The following LAMB2 variants were observed in gnomAD, a reference collection of about 807,000 sequenced individuals.
LAMB2 encodes the protein laminin subunit beta 2, also known as laminin subunit beta-2.
Under a neutral mutation model 202.7 loss-of-function variants are expected in LAMB2, and 119 were observed. That is an observed-to-expected ratio of 0.59 (90% CI 0.51 to 0.68). LAMB2 has a LOEUF of 0.68. LAMB2 is among the 30% of genes least tolerant of loss of function. The probability of loss-of-function intolerance (pLI) is 0.00; values close to 1 mark genes in which losing one functional copy is unlikely to be tolerated. For missense variants in LAMB2, 2,124 were observed against 2,410.6 expected (o/e 0.88, Z 2.49); for synonymous variants, 818 against 902.2 (o/e 0.91, Z 1.67).
rs754016806 is a variant in LAMB2 at position 49,129,798 on chromosome 3, G to C, written c.1405+41C>G. ...GCTGAGTCAGGAGTAAGAGGACAGG[G>C]GTTAAAGGTCAGCATAGAAGTTAGG... On this transcript the variant is annotated intron_variant, in intron 10 of 31. Transcript: ENST00000305544. This position sits in a 1 kb window ranked among gnomAD's most constrained non-coding sequence, Gnocchi z 6.1. 16 of 1,611,916 alleles carry C rather than the reference G, an allele frequency of 9.9e-6. No homozygotes were observed. Among genetic ancestry groups the C allele is most frequent in the Middle Eastern group, 1.6e-4 (1 of 6,082 alleles).
Position 49,128,800 on chromosome 3 carries a change from C to A in LAMB2, c.1751G>T (p.Arg584Leu). 7 of 1,613,300 alleles carry A rather than the reference C, an allele frequency of 4.3e-6. No individual in the cohort carries two copies. Among genetic ancestry groups the A allele is most frequent in the Non-Finnish European group, 5.9e-6 (7 of 1,179,494 alleles). ...TGGAGTTTCCCCGGGGGTCACCAGG[C>A]GCTCCACCACATCGAGCACCTGGGA... Reference protein sequence around the residue: ...TRGQVLDVVERLVTPGETPSW... With the variant: ...TRGQVLDVVELLVTPGETPSW... The change falls in exon 14 of 32, where the codon CGC becomes CTC. Residue 584 changes from arginine to leucine, a missense_variant. Physicochemically the swap from Arg to Leu is moderately radical, Grantham distance 102 (BLOSUM62 -2). Transcript: ENST00000305544.
intron 18 of LAMB2, 102 bp from the exon 19 acceptor site, chr3:49,125,586 G>C (rs2045404336): frequency 7.2e-7 from 1 of 1,385,466 alleles, no homozygotes; most frequent in Non-Finnish European, 1.0e-6. Context: ...GAGTCTAGGT[G>C]GGAAGGTCAG....
In LAMB2 at chr3:49,121,348, A is replaced by C. The variant is rs747910968; in HGVS notation, c.5275T>G (p.Tyr1759Asp). 1 of 1,613,794 alleles carries C rather than the reference A, an allele frequency of 6.2e-7. No homozygotes were observed. Among genetic ancestry groups the C allele is most frequent in the Non-Finnish European group, 8.5e-7 (1 of 1,179,952 alleles). The change falls in exon 32 of 32, where the codon TAT (tyrosine) becomes GAT (aspartate). Residue 1759 changes from tyrosine (Y) to aspartate (D), a missense_variant. Around this residue, in one of 3 missense-constraint regions of LAMB2, gnomAD observed 1,702 missense variants for 1,896.3 expected, o/e 0.90. Coordinates refer to ENST00000305544, the MANE Select transcript of LAMB2 (RefSeq NM_002292.4). The part of the protein sequence containing the change: ...LQRLQELEGT[Y>D]EENERALESK... Reference sequence around the variant, plus strand: ...TCCAGTGCCCGCTCATTTTCCTCATAGGTGCCTTCCAATTCTAGGAAGGGC... The same window carrying C: ...TCCAGTGCCCGCTCATTTTCCTCATCGGTGCCTTCCAATTCTAGGAAGGGC...
chr3:49,131,458 G>A lies in LAMB2; in HGVS notation c.649-16C>T. 3 of 1,614,026 alleles carry A rather than the reference G, an allele frequency of 1.9e-6. No individual in the cohort carries two copies. The highest frequency in any genetic ancestry group is 2.5e-6 in the Non-Finnish European group (3 of 1,179,976). Reference sequence around the variant, plus strand: ...GATAGATGACCTGGAGAAGCAGGGAGTTCATAGTCACACTGGACCTTGCCT... The same window carrying A: ...GATAGATGACCTGGAGAAGCAGGGAATTCATAGTCACACTGGACCTTGCCT... On this transcript the variant is annotated splice_polypyrimidine_tract_variant and intron_variant, in intron 5 of 31. Coordinates refer to ENST00000305544, the MANE Select transcript of LAMB2 (RefSeq NM_002292.4). The surrounding 1 kb of genome is among the most constrained non-coding windows in gnomAD (Gnocchi z 5.0).
At chr3:49,122,480 C>T in intron 27 of LAMB2, 110 bp from the exon 28 acceptor site, 1 of 1,097,110 alleles carries the variant, frequency 9.1e-7, no homozygotes, top group South Asian at 1.3e-5. Flanking sequence ...GGTTTGTTAC[C>T]AGGCATAAGG....
chr3:49,130,741 C>T lies in LAMB2; in HGVS notation c.1035G>A (p.Arg345=), dbSNP rs2107643922. ...TATGGAGGCCAAGATCTCACTCACT[C>T]CTACAGGCATGACTATGGCCGTCCT... ...PAEDGHSHAC[R]KCECHGHTHS... is the part of the protein sequence containing the mutation. The change falls in exon 8 of 32, where the codon AGG becomes AGA. Residue 345 remains arginine (R), a splice_region_variant and synonymous_variant. Transcript: ENST00000305544. This position sits in a 1 kb window ranked among gnomAD's most constrained non-coding sequence, Gnocchi z 5.0. 1 of 1,613,922 alleles carries T rather than the reference C, an allele frequency of 6.2e-7. No individual in the cohort carries two copies. The highest frequency in any genetic ancestry group is 8.5e-7 in the Non-Finnish European group (1 of 1,180,014).
intron 18 of LAMB2, 88 bp downstream of exon 18, chr3:49,125,659 G>A: frequency 6.4e-7 from 1 of 1,553,476 alleles, no homozygotes; most frequent in South Asian, 1.2e-5. Context: ...TTAGTTTGAG[G>A]AAACCAGCAG....
At position 49,132,649 on chromosome 3, in the gene LAMB2, G is replaced by A. The variant is rs748625373; in HGVS notation, c.91C>T (p.Leu31=). 1.2e-6 allele frequency: 2 copies of A among 1,614,022 alleles called. No homozygotes were observed. Among genetic ancestry groups the A allele is most frequent in the Non-Finnish European group, 1.7e-6 (2 of 1,180,040 alleles). ...GLLLSVLAAT[L]AQAPAPDVPG... ...ACATCCGGGGCAGGGGCCTGTGCCA[G>A]TGTGGCAGCCAGCACTGGGGACAGT... The change falls in exon 2 of 32, where the codon CTG becomes TTG. Residue 31 remains leucine, a synonymous_variant. Coordinates refer to ENST00000305544, the MANE Select transcript of LAMB2 (RefSeq NM_002292.4). The surrounding 1 kb of genome is among the most constrained non-coding windows in gnomAD (Gnocchi z 4.6).
chr3:49,122,469 G>T, intron 27 of LAMB2, 99 bp from the exon 28 acceptor site: 3 of 1,178,380 alleles, frequency 2.5e-6, no homozygotes, highest in Non-Finnish European at 3.8e-6. Context: ...CATGGGATAG[G>T]GGTTTGTTAC....
Position 49,131,383 on chromosome 3 carries a change from A to C in LAMB2, c.708T>G (p.Ile236Met). Reference sequence around the variant, plus strand: ...CTCAAAGGGTGGAGCACTCACTCTGAATCCGTGAGCTGTAGGGGTCTGGGA... The same window carrying C: ...CTCAAAGGGTGGAGCACTCACTCTGCATCCGTGAGCTGTAGGGGTCTGGGA... Reference protein sequence around the residue: ...IPIPDPYSSRIQNLLKITNLR... With the variant: ...IPIPDPYSSRMQNLLKITNLR... The change falls in exon 6 of 32, where the codon ATT (isoleucine) becomes ATG (methionine). Residue 236 changes from isoleucine to methionine, a missense_variant. Coordinates refer to ENST00000305544, the MANE Select transcript of LAMB2 (RefSeq NM_002292.4). This position sits in a 1 kb window ranked among gnomAD's most constrained non-coding sequence, Gnocchi z 5.0. 1 of 1,614,024 alleles carries C rather than the reference A, an allele frequency of 6.2e-7. No individual in the cohort carries two copies. Among genetic ancestry groups the C allele is most frequent in the Non-Finnish European group, 8.5e-7 (1 of 1,179,920 alleles).
chr3:49,125,213 T>C, intron 19 of LAMB2, 40 bp downstream of exon 19: 1 of 1,613,638 alleles, frequency 6.2e-7, no homozygotes, highest in Non-Finnish European at 8.5e-7. Flanking sequence ...CTGGGAAGCC[T>C]GCCCACCAAC....
intron 15 of LAMB2, among the ~76,000 whole-genome samples, chr3:49,126,931 A>G (rs1206603054): frequency 2.0e-5 from 3 of 152,104 alleles, no homozygotes; most frequent in Non-Finnish European, 4.4e-5. Context: ...CTTTTATCCC[A>G]TCCCAAAAAT....
rs754100998 is a variant in LAMB2, at chr3:49,122,318, C to T, written c.4626G>A (p.Glu1542=). ...SIEMVATRVL[E]LSIPASAEQI... ...GCTCAGCTGAAGCTGGGATGGAGAG[C>T]TCTAGCACCCGTGTGGCCACCATTT... Residue 1542 remains glutamate (E), a synonymous_variant, in exon 28 of 32, where the codon GAG becomes GAA. Transcript: ENST00000305544. 1.2e-6 allele frequency: 2 copies of T among 1,613,522 alleles called. No individual in the cohort carries two copies. Among genetic ancestry groups the T allele is most frequent in the Non-Finnish European group, 1.7e-6 (2 of 1,180,030 alleles).
At chr3:49,121,905 C>G (rs748859692) in intron 29 of LAMB2, 39 bp downstream of exon 29, 1 of 1,613,690 alleles carries the variant, frequency 6.2e-7, no homozygotes, top group Non-Finnish European at 8.5e-7. Context: ...CGGTTCATGC[C>G]CATAACCTTG....
In LAMB2 at chr3:49,125,261, G is replaced by C. The variant is rs751547973; in HGVS notation, c.2712C>G (p.His904Gln). The C allele has an allele frequency of 1.2e-6, 2 of 1,613,902 alleles. No homozygotes were observed. Among genetic ancestry groups the C allele is most frequent in the Admixed American group, 1.7e-5 (1 of 60,030 alleles). ...LGCRDHTGGEHCERCIAGFHG... is the reference protein window; with the variant it reads ...LGCRDHTGGEQCERCIAGFHG... ...AGCTGCTCCAGTCTCACCTTTCACA[G>C]TGCTCACCCCCTGTGTGATCACGGC... Residue 904 changes from histidine to glutamine, a missense_variant, in exon 19 of 32, where the codon CAC becomes CAG. His to Gln is a conservative substitution (Grantham distance 24). Transcript: ENST00000305544.
In LAMB2 at chr3:49,121,195, G is replaced by A; in HGVS notation, c.*31C>T. The A allele has an allele frequency of 1.2e-6, 2 of 1,611,662 alleles. No individual in the cohort carries two copies. The highest frequency in any genetic ancestry group is 1.3e-5 in the African/African-American group (1 of 75,000). ...TAGGCAGACATGCATGTGGGGCAGT[G>A]CTAGGAACTGGGGTAGGCCTTGGGC... On this transcript the variant is annotated 3_prime_UTR_variant, in exon 32 of 32. Transcript: ENST00000305544.
intron 22 of LAMB2, 21 bp downstream of exon 22, chr3:49,124,374 A>T (rs2107638529): frequency 1.9e-6 from 3 of 1,613,132 alleles, no homozygotes; most frequent in South Asian, 1.1e-5. Context: ...CTAACCAGGG[A>T]TCTGCAGGAG....
In LAMB2 at chr3:49,123,444, C is replaced by G; in HGVS notation, c.3982+3G>C. 1 of 1,614,170 alleles carries G rather than the reference C, an allele frequency of 6.2e-7. No individual in the cohort carries two copies. Among genetic ancestry groups the G allele is most frequent in the East Asian group, 2.2e-5 (1 of 44,892 alleles). ...CCACCTGCCTAGTTGGCTAACAACT[C>G]ACCCAGGAAGTTTGAATGTTTGAGC... is the stretch of plus-strand genomic sequence containing the variant. On this transcript the variant is annotated splice_donor_region_variant and intron_variant, in intron 25 of 31. Coordinates refer to ENST00000305544, the MANE Select transcript of LAMB2 (RefSeq NM_002292.4).
rs748798004 is a variant in LAMB2 at position 49,126,093 on chromosome 3, G to A, written c.2218C>T (p.Arg740Cys). 63 of 1,613,812 alleles carry A rather than the reference G, an allele frequency of 3.9e-5. No homozygotes were observed. The highest frequency in any genetic ancestry group is 3.3e-4 in the Middle Eastern group (2 of 6,084). Residue 740 changes from arginine (R) to cysteine (C), a missense_variant, in exon 17 of 32, where the codon CGC becomes TGC. By Grantham distance (180) the Arg-to-Cys change is radical. This residue lies in a region of LAMB2 where 1,702 missense variants were observed against 1,896.3 expected (regional missense o/e 0.90). Coordinates refer to ENST00000305544, the MANE Select transcript of LAMB2 (RefSeq NM_002292.4). ...FSGGDAAALE[R>C]QATFERYQCH... ...TGGTAGCGTTCAAAGGTGGCCTGGC[G>A]CTCCAGGGCAGCAGCATCACCCCCA...
Sources: gnomAD v4.1 joint callset for allele counts (sites outside exome capture counted in the v4.1 genomes callset) on GRCh38, gnomAD v4.1.1 for gene constraint, gnomAD v4.1.1 regional missense constraint, Gnocchi (gnomAD v3.1) non-coding constraint, MANE v1.5 for transcripts, NCBI Gene and HGNC (gene_info 2026-07-23, HGNC 2026-07-21) for gene names.